Variants in SGIP1 observed in about 807,000 individuals in gnomAD.
The protein encoded by SGIP1 is SH3GL interacting endocytic adaptor 1.
A neutral mutation model predicts 107.5 loss-of-function variants in SGIP1; 38 were observed. The observed-to-expected ratio is 0.35, with a 90% CI of 0.27 to 0.46. The LOEUF is 0.46. Among genes scored for constraint, SGIP1 ranks in the 20% least tolerant of loss-of-function variants. SGIP1 has a pLI of 1.00. For missense variants in SGIP1, 929 were observed against 1,019.5 expected, an observed-to-expected ratio of 0.91 and a Z score of 1.21; for synonymous variants, 365 against 366.1, an observed-to-expected ratio of 1.00 and a Z score of 0.03.
chr1:66,659,679 G>A (rs937999136), intron 7 of SGIP1, among the ~76,000 whole-genome samples: 1 of 152,036 alleles, frequency 6.6e-6, no homozygotes, highest in Non-Finnish European at 1.5e-5. Flanking sequence ...AGAGGCTGAG[G>A]TGGGAGGATC....
chr1:66,563,605 T>C (rs1397402121), intron 1 of SGIP1, among the ~76,000 whole-genome samples: 1 of 152,138 alleles, frequency 6.6e-6, no homozygotes, highest in East Asian at 1.9e-4. Flanking sequence ...AGCAGGCTGA[T>C]TGGCTTAGCA....
chr1:66,572,108 C>G (rs2060463041), intron 1 of SGIP1, among the ~76,000 whole-genome samples: 1 of 151,998 alleles, frequency 6.6e-6, no homozygotes, highest in Non-Finnish European at 1.5e-5. Context: ...AATCGCCTGT[C>G]AAATGAATGC....
chr1:66,723,617 T>C (rs1171305402), intron 19 of SGIP1, among the ~76,000 whole-genome samples: 1 of 152,236 alleles, frequency 6.6e-6, no homozygotes, highest in Non-Finnish European at 1.5e-5. Context: ...TCAGTATCTG[T>C]CTTCCAGTTT....
At chr1:66,549,934 T>G (rs150215226) in intron 1 of SGIP1, among the ~76,000 whole-genome samples, 1 of 152,260 alleles carries the variant, frequency 6.6e-6, no homozygotes, top group East Asian at 1.9e-4. Flanking sequence ...ACATCACAAC[T>G]GCCCTGTTGC....
chr1:66,704,076 T>C (rs564429229), intron 18 of SGIP1, among the ~76,000 whole-genome samples: 1 of 152,168 alleles, frequency 6.6e-6, no homozygotes, highest in Admixed American at 6.6e-5. Context: ...ACACTTAGTA[T>C]AGTGCATGCA....
chr1:66,577,756 C>CTGTGTGTGTGTGTGTG (rs6143251), intron 1 of SGIP1, among the ~76,000 whole-genome samples: 5 of 144,984 alleles, frequency 3.4e-5, no homozygotes, highest in Non-Finnish European at 6.1e-5. Context: ...TAATGCAGTC[C>CTGTGTGTGTGTGTGTG]TGTGTGTGTG....
chr1:66,721,658 C>G (rs1467546729), intron 19 of SGIP1, among the ~76,000 whole-genome samples: 1 of 152,168 alleles, frequency 6.6e-6, no homozygotes, highest in Non-Finnish European at 1.5e-5. Context: ...ATCTGCCCAC[C>G]TTGGCCTCCC....
intron 18 of SGIP1, among the ~76,000 whole-genome samples, chr1:66,698,200 C>G (rs1043120226): frequency 4.6e-5 from 7 of 152,168 alleles, no homozygotes; most frequent in African/African-American, 1.7e-4. Flanking sequence ...GTGCTTCACA[C>G]TTCCAAATTT....
chr1:66,644,846 A>G (rs895703426), intron 7 of SGIP1, among the ~76,000 whole-genome samples: 3 of 152,202 alleles, frequency 2.0e-5, no homozygotes, highest in African/African-American at 7.2e-5. Context: ...TTTTAATCAT[A>G]TACTCCCCTG....
intron 1 of SGIP1, among the ~76,000 whole-genome samples, chr1:66,568,029 G>A (rs572297794): frequency 8.8e-4 from 134 of 151,962 alleles, no homozygotes; most frequent in South Asian, 8.7e-3. Flanking sequence ...AGTTTTTTCT[G>A]ATTCTGTGAA....
intron 4 of SGIP1, among the ~76,000 whole-genome samples, chr1:66,636,381 G>A (rs572417289): frequency 3.3e-5 from 5 of 152,338 alleles, no homozygotes; most frequent in African/African-American, 1.2e-4. Flanking sequence ...GATAAGCACT[G>A]TCTCAATAAC....
At chr1:66,609,426 C>A (rs984482781) in intron 1 of SGIP1, among the ~76,000 whole-genome samples, 1 of 152,042 alleles carries the variant, frequency 6.6e-6, no homozygotes, top group Non-Finnish European at 1.5e-5. Context: ...ATATGTAGAG[C>A]ACAAATGTGC....
At chr1:66,628,900 A>C (rs573386589) in intron 2 of SGIP1, among the ~76,000 whole-genome samples, 1 of 152,312 alleles carries the variant, frequency 6.6e-6, no homozygotes, top group South Asian at 2.1e-4. Flanking sequence ...AAAATAGCTG[A>C]AGCTGGTTCC....
intron 1 of SGIP1, among the ~76,000 whole-genome samples, chr1:66,566,272 G>A (rs2059628150): frequency 6.6e-6 from 1 of 151,976 alleles, no homozygotes; most frequent in Admixed American, 6.6e-5. Flanking sequence ...TGTGAATAAT[G>A]AGCAAGAGTG....
intron 1 of SGIP1, among the ~76,000 whole-genome samples, chr1:66,605,144 A>G (rs932779049): frequency 2.0e-5 from 3 of 152,178 alleles, no homozygotes; most frequent in African/African-American, 7.2e-5. Flanking sequence ...AGGGACCCCC[A>G]TGACCTGACC....
At chr1:66,712,035 C>A (rs888972884) in intron 18 of SGIP1, among the ~76,000 whole-genome samples, 35 of 152,240 alleles carry the variant, frequency 2.3e-4, no homozygotes, top group African/African-American at 7.9e-4. Context: ...CTCCTTATTG[C>A]AGATTTTTGT....
At chr1:66,732,786 T>C (rs2094074519) in intron 20 of SGIP1, among the ~76,000 whole-genome samples, 1 of 152,172 alleles carries the variant, frequency 6.6e-6, no homozygotes, top group Admixed American at 6.5e-5. Flanking sequence ...ACAATAATTC[T>C]TCCTTTGCAG....
At chr1:66,584,679 CA>C (rs2062323286) in intron 1 of SGIP1, among the ~76,000 whole-genome samples, 1 of 152,104 alleles carries the variant, frequency 6.6e-6, no homozygotes, top group Non-Finnish European at 1.5e-5. Flanking sequence ...TGAAACTTGA[CA>C]GTAATTTTAA....
intron 17 of SGIP1, among the ~76,000 whole-genome samples, chr1:66,690,952 T>C (rs1449046391): frequency 6.6e-6 from 1 of 152,240 alleles, no homozygotes; most frequent in East Asian, 1.9e-4. Context: ...GAATGGCTGT[T>C]CAGCTGGATG....
Sources: gnomAD v4.1 joint callset for allele counts (sites outside exome capture counted in the v4.1 genomes callset) on GRCh38, gnomAD v4.1.1 for gene constraint, MANE v1.5 for transcripts, NCBI Gene and HGNC (gene_info 2026-07-23, HGNC 2026-07-21) for gene names.